Variants in ALDH1A2 observed in about 807,000 individuals in gnomAD.
The protein encoded by ALDH1A2 is retinal dehydrogenase 2.
Under a neutral mutation model 60.3 loss-of-function variants are expected in ALDH1A2, and 27 were observed. The ratio of observed to expected loss-of-function variants is 0.45; its 90% CI spans 0.33 to 0.62. The LOEUF is 0.62. Among genes scored for constraint, ALDH1A2 ranks in the 20% least tolerant of loss-of-function variants. The pLI is 0.02. For synonymous variants in ALDH1A2, 289 were observed against 232.4 expected (o/e 1.24, Z -2.21); for missense variants, 581 against 643.8 (o/e 0.90, Z 1.06).
At chr15:58,032,789 A>AACAC (rs59226967) in intron 1 of ALDH1A2, among the ~76,000 whole-genome samples, 3,903 of 149,264 alleles carry the variant, frequency 0.026, 56 homozygotes, top group Middle Eastern at 0.056. Context: ...AGTGCCCCTC[A>AACAC]ACACACACAC....
intron 1 of ALDH1A2, among the ~76,000 whole-genome samples, chr15:58,035,962 T>C (rs556824425): frequency 1.8e-4 from 27 of 151,786 alleles, no homozygotes; most frequent in African/African-American, 6.0e-4. Flanking sequence ...TTTTGCATTT[T>C]CCTTTAGCTC....
intron 12 of ALDH1A2, among the ~76,000 whole-genome samples, chr15:57,957,964 T>C (rs1893587269): frequency 6.6e-6 from 1 of 152,058 alleles, no homozygotes; most frequent in Non-Finnish European, 1.5e-5. Flanking sequence ...CAAGGGTGAC[T>C]GGTGGATCCC....
At chr15:58,010,888 T>G (rs758612960) in intron 3 of ALDH1A2, 110 bp from the exon 4 acceptor site, 74 of 1,349,158 alleles carry the variant, frequency 5.5e-5, no homozygotes, top group Non-Finnish European at 7.4e-5. Flanking sequence ...GCATATGGAG[T>G]TGCATACCTG....
intron 1 of ALDH1A2, among the ~76,000 whole-genome samples, chr15:58,044,765 C>T (rs148607793): frequency 2.0e-5 from 3 of 152,046 alleles, no homozygotes; most frequent in Non-Finnish European, 4.4e-5. Flanking sequence ...TTTGAGGATT[C>T]AGGAAGAGGA....
In ALDH1A2 at chr15:57,955,252, C is replaced by T. The variant is rs779086106; in HGVS notation, c.1502G>A (p.Arg501Gln). ...NGREMGEFGL[R>Q]EYSEVKTVTV... ...CACCGTCTTAACTTCTGAGTACTCCCGCAAGCCAAATTCTCCCCTGAAACA... is the reference window on the plus strand; with the variant it reads ...CACCGTCTTAACTTCTGAGTACTCCTGCAAGCCAAATTCTCCCCTGAAACA... Residue 501 changes from arginine (R) to glutamine (Q), a missense_variant, in exon 13 of 13, where the codon CGG becomes CAG. Physicochemically the swap from Arg to Gln is conservative, Grantham distance 43 (BLOSUM62 1). Coordinates refer to ENST00000249750, the MANE Select transcript of ALDH1A2 (RefSeq NM_003888.4). The T allele has an allele frequency of 1.2e-5, 19 of 1,613,916 alleles. No individual in the cohort carries two copies. The highest frequency in any genetic ancestry group is 1.7e-5 in the Admixed American group (1 of 60,004).
At chr15:57,979,590 G>T in intron 7 of ALDH1A2, 1 of 156,278 alleles carries the variant, frequency 6.4e-6, no homozygotes. Flanking sequence ...CTGATTCCAC[G>T]TTGCCACTCA....
chr15:58,058,609 A>C (rs1896952452), intron 1 of ALDH1A2, among the ~76,000 whole-genome samples: 3 of 152,106 alleles, frequency 2.0e-5, no homozygotes, highest in Non-Finnish European at 2.9e-5. Context: ...AAGATTGGAA[A>C]GAGTTTTCAG....
intron 1 of ALDH1A2, among the ~76,000 whole-genome samples, chr15:58,064,809 GCAA>G (rs1295765433): frequency 6.6e-6 from 1 of 151,714 alleles, no homozygotes; most frequent in Non-Finnish European, 1.5e-5. Context: ...TTTAGGCGAT[GCAA>G]CAACAAAAAT....
chr15:58,008,207 C>G (rs1895520063), intron 4 of ALDH1A2, among the ~76,000 whole-genome samples: 1 of 152,050 alleles, frequency 6.6e-6, no homozygotes, highest in Non-Finnish European at 1.5e-5. Context: ...GGTACCTCAT[C>G]CTAGTATGAC....
intron 4 of ALDH1A2, among the ~76,000 whole-genome samples, chr15:58,007,249 A>G (rs12903093): frequency 0.88 from 133,649 of 151,930 alleles, 60,300 homozygotes; most frequent in East Asian, 1. Context: ...CAATAGTTCC[A>G]TATTTGCTAA....
chr15:58,060,035 G>C (rs1258414024), intron 1 of ALDH1A2, among the ~76,000 whole-genome samples: 1 of 152,138 alleles, frequency 6.6e-6, no homozygotes, highest in African/African-American at 2.4e-5. Flanking sequence ...TGATTCTCCT[G>C]CCTCAGCCTT....
intron 4 of ALDH1A2, among the ~76,000 whole-genome samples, chr15:58,010,152 G>A (rs902470613): frequency 3.9e-5 from 6 of 152,094 alleles, no homozygotes; most frequent in Non-Finnish European, 8.8e-5. Flanking sequence ...ACGGCCGTTC[G>A]AGAAATATAG....
intron 6 of ALDH1A2, 26 bp downstream of exon 6, chr15:57,992,918 AG>A: frequency 1.2e-6 from 2 of 1,614,090 alleles, no homozygotes; most frequent in Non-Finnish European, 1.7e-6. Flanking sequence ...GGGAGTCAGA[AG>A]CACTCCCGAA....
chr15:57,963,973 T>A lies in ALDH1A2; in HGVS notation c.998A>T (p.Tyr333Phe). Reference protein sequence around the residue: ...GSRIFVEESIYEEFVRRSVER... With the variant: ...GSRIFVEESIFEEFVRRSVER... ...CACGCTTCTTCTCACAAACTCCTCA[T>A]AGATGGACTCCTCCACGAAGATGCG... The change falls in exon 9 of 13, where the codon TAT (tyrosine) becomes TTT (phenylalanine). Residue 333 changes from tyrosine (Y) to phenylalanine (F), a missense_variant. Physicochemically the swap from Tyr to Phe is conservative, Grantham distance 22. Around this residue, in one of 2 missense-constraint regions of ALDH1A2, gnomAD observed 375 missense variants for 469.7 expected, o/e 0.80. Coordinates refer to ENST00000249750, the MANE Select transcript of ALDH1A2 (RefSeq NM_003888.4). 1.9e-6 allele frequency: 3 copies of A among 1,614,136 alleles called. No individual in the cohort carries two copies. Among genetic ancestry groups the A allele is most frequent in the Non-Finnish European group, 2.5e-6 (3 of 1,180,000 alleles).
rs887376586 is a variant in ALDH1A2 at position 58,023,953 on chromosome 15, C to T, written c.118-9672G>A. On this transcript the variant is annotated intron_variant, in intron 1 of 12. Transcript: ENST00000249750. The stretch of plus-strand genomic sequence containing the variant: ...CACTGAAAATACAAAATTAGCCAGG[C>T]GTGGTGGCACATGCCTGTAATCTCA... 3.3e-5 allele frequency among the ~76,000 whole-genome samples: 5 copies of T among 152,060 alleles called. No homozygotes were observed. The East Asian group carries it at 7.7e-4, about 23-fold the overall frequency.
chr15:58,018,437 T>C (rs1464766834), intron 1 of ALDH1A2, among the ~76,000 whole-genome samples: 2 of 152,126 alleles, frequency 1.3e-5, no homozygotes, highest in African/African-American at 4.8e-5. Flanking sequence ...ATGATTATTA[T>C]TTGTAAAATA....
At chr15:58,053,485 A>G (rs1896826657) in intron 1 of ALDH1A2, among the ~76,000 whole-genome samples, 1 of 152,108 alleles carries the variant, frequency 6.6e-6, no homozygotes, top group Admixed American at 6.6e-5. Context: ...TAAGTTAGTG[A>G]CTTTGCAAGC....
intron 1 of ALDH1A2, among the ~76,000 whole-genome samples, chr15:58,037,171 C>A (rs1246793998): frequency 6.6e-6 from 1 of 151,498 alleles, no homozygotes; most frequent in African/African-American, 2.4e-5. Context: ...AGCAGCAAGG[C>A]CCCCAAATCA....
chr15:58,025,521 A>C (rs560932766), intron 1 of ALDH1A2, among the ~76,000 whole-genome samples: 1 of 152,308 alleles, frequency 6.6e-6, no homozygotes, highest in African/African-American at 2.4e-5. Context: ...CAGTAATAAC[A>C]AGGTTCTCAA....
Sources: gnomAD v4.1 joint callset for allele counts (sites outside exome capture counted in the v4.1 genomes callset) on GRCh38, gnomAD v4.1.1 for gene constraint, gnomAD v4.1.1 regional missense constraint, MANE v1.5 for transcripts, NCBI Gene and HGNC (gene_info 2026-07-23, HGNC 2026-07-21) for gene names.